The following CERS3 variants were observed in gnomAD, a reference collection of about 807,000 sequenced individuals.
CERS3 encodes LAG1 homolog, ceramide synthase 3.
In CERS3, 33 loss-of-function variants were observed where a neutral mutation model predicts 50.3. The observed-to-expected ratio is 0.66, with a 90% confidence interval of 0.50 to 0.88. The LOEUF is 0.88. Ranked by LOEUF, CERS3 falls within the 40% of genes least tolerant of loss-of-function variation. The pLI is 0.00. For synonymous variants in CERS3, 176 were observed against 155.2 expected, an observed-to-expected ratio of 1.13 and a Z score of -0.99; for missense variants, 470 against 460.3, an observed-to-expected ratio of 1.02 and a Z score of -0.19.
At chr15:100,404,742 T>TA (rs1326522424) in intron 11 of CERS3, among the ~76,000 whole-genome samples, 2 of 152,166 alleles carry the variant, frequency 1.3e-5, no homozygotes, top group African/African-American at 4.8e-5. Context: ...GTTACAGTAA[T>TA]CCAGACAGGG....
At chr15:100,485,554 T>C (rs2035459251) in intron 4 of CERS3, among the ~76,000 whole-genome samples, 1 of 152,226 alleles carries the variant, frequency 6.6e-6, no homozygotes, top group Non-Finnish European at 1.5e-5. Context: ...GCCAGCCCTC[T>C]TGATTTCTTA....
intron 5 of CERS3, among the ~76,000 whole-genome samples, chr15:100,481,129 G>C (rs1453510353): frequency 6.6e-6 from 1 of 152,160 alleles, no homozygotes; most frequent in African/African-American, 2.4e-5. Context: ...TAGGAATGTA[G>C]ATAAATACCC....
chr15:100,466,688 A>G (rs2034727766), intron 10 of CERS3, among the ~76,000 whole-genome samples: 1 of 151,876 alleles, frequency 6.6e-6, no homozygotes, highest in African/African-American at 2.4e-5. Flanking sequence ...GTCCCAGCCA[A>G]TAAGCACAAG....
intron 11 of CERS3, among the ~76,000 whole-genome samples, chr15:100,434,757 G>C (rs1010373946): frequency 6.6e-6 from 1 of 152,122 alleles, no homozygotes; most frequent in Non-Finnish European, 1.5e-5. Flanking sequence ...TTATTAACAG[G>C]CCACAAACTG....
chr15:100,418,415 G>C (rs1373816014), intron 11 of CERS3, among the ~76,000 whole-genome samples: 1 of 150,636 alleles, frequency 6.6e-6, no homozygotes, highest in Non-Finnish European at 1.5e-5. Flanking sequence ...AAGCCTCCAA[G>C]AAATATGGGA....
chr15:100,525,018 AT>A (rs2036745803), intron 1 of CERS3, among the ~76,000 whole-genome samples: 1 of 152,208 alleles, frequency 6.6e-6, no homozygotes, highest in Admixed American at 6.5e-5. Context: ...TTAATGTAAT[AT>A]TTTACCTCTC....
intron 10 of CERS3, among the ~76,000 whole-genome samples, chr15:100,468,301 G>A (rs1196483437): frequency 1.3e-5 from 2 of 152,092 alleles, no homozygotes; most frequent in African/African-American, 4.8e-5. Flanking sequence ...ACAGAGAGGT[G>A]GTATAACCTG....
chr15:100,446,096 C>T (rs1286769667), intron 11 of CERS3, among the ~76,000 whole-genome samples: 1 of 145,732 alleles, frequency 6.9e-6, no homozygotes, highest in African/African-American at 2.6e-5. Flanking sequence ...TATCTCCCTT[C>T]ACTGACTCTC....
At chr15:100,419,023 C>T (rs1262481835) in intron 11 of CERS3, among the ~76,000 whole-genome samples, 1 of 144,800 alleles carries the variant, frequency 6.9e-6, no homozygotes, top group East Asian at 2.0e-4. Context: ...ACTGCATCAA[C>T]TAACGAGCAA....
At chr15:100,479,620 T>A in intron 6 of CERS3, 142 bp from the exon 7 acceptor site, 3 of 621,460 alleles carry the variant, frequency 4.8e-6, no homozygotes. Flanking sequence ...CTTTGCCATA[T>A]TCTTTTGCTT....
rs980723342 is a variant in CERS3, at chr15:100,491,547, A to T, written c.174-616T>A. 1.2e-4 allele frequency among the ~76,000 whole-genome samples: 19 copies of T among 152,206 alleles called. No homozygotes were observed. In the South Asian group the frequency reaches 3.5e-3, roughly 28 times the overall value. Reference sequence around the variant, plus strand: ...GCCTTGGCAATTCTACTGGGTGTGTAGTGGTTTTTGTTGATTTTCCACTAT... The same window carrying T: ...GCCTTGGCAATTCTACTGGGTGTGTTGTGGTTTTTGTTGATTTTCCACTAT... On this transcript the variant is annotated intron_variant, in intron 3 of 11. Transcript: ENST00000679737.
At chr15:100,520,020 G>A (rs2036597197) in intron 2 of CERS3, among the ~76,000 whole-genome samples, 1 of 152,134 alleles carries the variant, frequency 6.6e-6, no homozygotes, top group East Asian at 1.9e-4. Context: ...CCACATCCAT[G>A]CCCCCTTTCC....
upstream of CERS3, among the ~76,000 whole-genome samples, chr15:100,533,704 C>T (rs1273986954): frequency 1.3e-5 from 2 of 151,902 alleles, no homozygotes; most frequent in Non-Finnish European, 2.9e-5. Context: ...ATTACAGGCA[C>T]GTGTTACCAC....
At chr15:100,505,699 C>G (rs1042575529) in intron 2 of CERS3, among the ~76,000 whole-genome samples, 2 of 152,142 alleles carry the variant, frequency 1.3e-5, no homozygotes, top group Non-Finnish European at 2.9e-5. Flanking sequence ...TTAGGCAAAG[C>G]CTTGTTATAT....
At chr15:100,544,457 T>TTGACCTCCGCGGGGAC (rs1567697396) in intron 1 of CERS3, 1 of 140,730 alleles carries the variant, frequency 7.1e-6, no homozygotes, top group Non-Finnish European at 1.6e-5. Flanking sequence ...TCTCTCGGCC[T>TTGACCTCCGCGGGGAC]AGGTCTGCGC....
At chr15:100,417,823 T>A (rs533147001) in intron 11 of CERS3, among the ~76,000 whole-genome samples, 1 of 151,804 alleles carries the variant, frequency 6.6e-6, no homozygotes, top group Non-Finnish European at 1.5e-5. Context: ...AAGGGCACAC[T>A]GACACCTCAC....
At chr15:100,447,549 T>G (rs1252863764) in intron 11 of CERS3, among the ~76,000 whole-genome samples, 1 of 152,254 alleles carries the variant, frequency 6.6e-6, no homozygotes, top group East Asian at 1.9e-4. Flanking sequence ...AGGATAAATC[T>G]ATTCAAATAT....
intron 5 of CERS3, among the ~76,000 whole-genome samples, chr15:100,480,730 A>C (rs1254133290): frequency 2.0e-5 from 3 of 152,350 alleles, no homozygotes; most frequent in Admixed American, 6.5e-5. Context: ...ATAAAAAATC[A>C]TAAGATACTG....
Position 100,469,503 on chromosome 15 carries a change from C to T in CERS3, c.739-19G>A. On this transcript the variant is annotated intron_variant, in intron 9 of 11. Transcript: ENST00000679737. ...TAGCAGACTGCAAAAAAGAAAGAAA[C>T]TGCAGATAAAGTGACAATAGCCTAC... 6.5e-7 allele frequency: 1 copy of T among 1,528,770 alleles called. No homozygotes were observed. Among genetic ancestry groups the T allele is most frequent in the Non-Finnish European group, 9.0e-7 (1 of 1,107,588 alleles). The allele number at this position is 1,528,770 out of a possible 1,614,324, so 94.7% of individuals were successfully genotyped here. A position where few individuals can be genotyped will look rare whatever the true frequency, so the allele number is the denominator to read the frequency against.
Sources: allele counts gnomAD v4.1 joint callset (sites outside exome capture counted in the v4.1 genomes callset), GRCh38; gene constraint gnomAD v4.1.1; transcripts MANE v1.5; gene names NCBI Gene and HGNC (gene_info 2026-07-23, HGNC 2026-07-21).